ABR: variants seen among roughly 807,000 people sequenced by gnomAD.
The protein encoded by ABR is active breakpoint cluster region-related protein.
In ABR, 35 loss-of-function variants were observed where a neutral mutation model predicts 107.2. The observed-to-expected ratio is 0.33, with a 90% CI of 0.25 to 0.43. The LOEUF is 0.43. Among genes scored for constraint, ABR ranks in the 20% least tolerant of loss-of-function variants. The pLI is 1.00. For missense variants in ABR, 815 were observed against 1,115.2 expected, an observed-to-expected ratio of 0.73 and a Z score of 3.83; for synonymous variants, 498 against 462.0, an observed-to-expected ratio of 1.08 and a Z score of -1.00.
At chr17:1,029,415 C>G (rs987114233) in intron 16 of ABR, among the ~76,000 whole-genome samples, 1 of 152,168 alleles carries the variant, frequency 6.6e-6, no homozygotes, top group South Asian at 2.1e-4. Context: ...ATCATGAGAC[C>G]TTTCCATCTG....
chr17:1,226,658 G>A (rs1425242628), intron 1 of ABR, among the ~76,000 whole-genome samples: 1 of 151,264 alleles, frequency 6.6e-6, no homozygotes, highest in African/African-American at 2.4e-5. Flanking sequence ...ATGTGTGCAT[G>A]TATGTATGTG....
At chr17:1,196,612 G>GA (rs2042571830) in intron 1 of ABR, among the ~76,000 whole-genome samples, 1 of 146,910 alleles carries the variant, frequency 6.8e-6, no homozygotes, top group Middle Eastern at 3.3e-3. Context: ...AGAACTTTCT[G>GA]AAAAATCCTG....
chr17:1,010,060 T>G lies in ABR; in HGVS notation c.2237-276A>C. ...TGCATAGGCCTTGGGTGCTGGGGCA[T>G]CCCCTGTCTCGTAACAGGACACCCC... On this transcript the variant is annotated intron_variant, in intron 20 of 22. Coordinates refer to ENST00000302538, the MANE Select transcript of ABR (RefSeq NM_021962.5). This position sits in a 1 kb window ranked among gnomAD's most constrained non-coding sequence, Gnocchi z 4.1. The G allele has an allele frequency of 1.8e-6, 1 of 540,908 alleles. No homozygotes were observed. Among genetic ancestry groups the G allele is most frequent in the South Asian group, 2.2e-5 (1 of 44,878 alleles). The allele number at this position is 540,908 out of a possible 1,614,324, so 33.5% of individuals were successfully genotyped here. A position where few individuals can be genotyped will look rare whatever the true frequency, so the allele number is the denominator to read the frequency against.
At chr17:1,083,262 ATTTTTTTTTTTT>A in intron 5 of ABR, 3 of 99,678 alleles carry the variant, frequency 3.0e-5, no homozygotes, top group South Asian at 2.6e-4. Context: ...ACTGCCTTGG[ATTTTTTTTTTTT>A]TTTTTTTTTT....
At chr17:1,174,885 C>A (rs971835388) in intron 1 of ABR, among the ~76,000 whole-genome samples, 1 of 152,112 alleles carries the variant, frequency 6.6e-6, no homozygotes, top group African/African-American at 2.4e-5. Flanking sequence ...AGATGATCAA[C>A]CTGCCTGGGG....
rs754895985 is a variant in ABR at position 1,037,536 on chromosome 17, A to C, written c.1791+12514T>G. Among the ~76,000 whole-genome samples, 1 of 152,196 alleles carries C rather than the reference A, an allele frequency of 6.6e-6. No individual in the cohort carries two copies. Among genetic ancestry groups the C allele is most frequent in the Non-Finnish European group, 1.5e-5 (1 of 68,026 alleles). On this transcript the variant is annotated intron_variant, in intron 16 of 22. Transcript: ENST00000302538. This position sits in a 1 kb window ranked among gnomAD's most constrained non-coding sequence, Gnocchi z 4.6. ...GGTCATGGAAAAGGGTGAAAAATGCACTTGAGCCTTTGGGAACATCTTGCT... is the reference window on the plus strand; with the variant it reads ...GGTCATGGAAAAGGGTGAAAAATGCCCTTGAGCCTTTGGGAACATCTTGCT...
chr17:1,005,155 C>G lies in ABR; in HGVS notation c.*925G>C. 2.5e-6 allele frequency: 1 copy of G among 398,842 alleles called. No homozygotes were observed. The highest frequency in any genetic ancestry group is 4.4e-6 in the Non-Finnish European group (1 of 226,228). The allele number at this position is 398,842 out of a possible 1,614,324, so 24.7% of individuals were successfully genotyped here. ...TCCTCAGCAGCCTGACCGCCTCCTC[C>G]CCCATTCTCTCCTGACCCTCTGGCT... On this transcript the variant is annotated 3_prime_UTR_variant, in exon 23 of 23. Coordinates refer to ENST00000302538, the MANE Select transcript of ABR (RefSeq NM_021962.5).
At chr17:1,108,786 C>G (rs376913108) in intron 2 of ABR, 39 of 1,045,772 alleles carry the variant, frequency 3.7e-5, no homozygotes, top group Non-Finnish European at 4.8e-5. Context: ...CGCCCCTCTC[C>G]CCCGGGAACA....
At chr17:1,061,368 C>G (rs1264735824) in intron 10 of ABR, among the ~76,000 whole-genome samples, 1 of 152,200 alleles carries the variant, frequency 6.6e-6, no homozygotes, top group Non-Finnish European at 1.5e-5. Flanking sequence ...AGGAAGCCCT[C>G]TGGGCAGATG....
intron 16 of ABR, among the ~76,000 whole-genome samples, chr17:1,029,283 C>T (rs7217127): frequency 0.56 from 84,488 of 151,632 alleles, 23,691 homozygotes; most frequent in Middle Eastern, 0.63. Flanking sequence ...AACTCTCCTC[C>T]GGTGACAAGA....
Position 1,010,991 on chromosome 17 carries a change from G to A in ABR, c.2102-128C>T, listed in dbSNP as rs932635223. On this transcript the variant is annotated intron_variant, in intron 19 of 22. Transcript: ENST00000302538. This position sits in a 1 kb window ranked among gnomAD's most constrained non-coding sequence, Gnocchi z 4.1. ...CTGGTCTCCCCTGGAAGAGCAGGAT[G>A]TAGAGAGGGCCCACAGGTGTCTGTG... The A allele has an allele frequency of 1.4e-5, 18 of 1,270,234 alleles. No individual in the cohort carries two copies. The Admixed American group carries it at 1.5e-4, about 11-fold the overall frequency. 78.7% of individuals were successfully genotyped at this position (1,270,234 alleles called of 1,614,324 possible).
rs77416254 is a variant in ABR, at chr17:1,030,754, C to T, written c.1792-17590G>A. Reference sequence around the variant, plus strand: ...CTCAGGAGGAGCTGCAGATCCCCACCACGGACTGGCCAAGGCCTCCCTTGT... The same window carrying T: ...CTCAGGAGGAGCTGCAGATCCCCACTACGGACTGGCCAAGGCCTCCCTTGT... On this transcript the variant is annotated intron_variant, in intron 16 of 22. Transcript: ENST00000302538. Among the ~76,000 whole-genome samples, 556 of 152,392 alleles carry T rather than the reference C, an allele frequency of 3.6e-3. 4 individuals are homozygous for T. Among genetic ancestry groups the T allele is most frequent in the African/African-American group, 0.013 (540 of 41,598 alleles).
Position 1,078,836 on chromosome 17 carries a change from G to A in ABR, c.700+494C>T. ...TACCATAGGTGCAGTTACAGCAGAA[G>A]CGAATAATGAGGAGAATCTCCATGG... On this transcript the variant is annotated intron_variant, in intron 6 of 22. Transcript: ENST00000302538. The surrounding 1 kb of genome is among the most constrained non-coding windows in gnomAD (Gnocchi z 7.5). The A allele has an allele frequency of 6.5e-7, 1 of 1,535,644 alleles. No homozygotes were observed. Among genetic ancestry groups the A allele is most frequent in the Non-Finnish European group, 8.7e-7 (1 of 1,146,852 alleles).
rs139299329 is a variant in ABR, at chr17:1,123,512, C to T, written c.246+1671G>A. 2.9e-3 allele frequency among the ~76,000 whole-genome samples: 437 copies of T among 152,268 alleles called. 3 individuals are homozygous for T. Among genetic ancestry groups the T allele is most frequent in the African/African-American group, 9.2e-3 (383 of 41,542 alleles). On this transcript the variant is annotated intron_variant, in intron 2 of 22. Coordinates refer to ENST00000302538, the MANE Select transcript of ABR (RefSeq NM_021962.5). The stretch of plus-strand genomic sequence containing the variant: ...AGGCACCTGCCAGCACCAAAGGAAT[C>T]GGAAAATCGACGGACACGGAAACCA...
rs7225523 is a variant in ABR, at chr17:1,027,279, C to T, written c.1792-14115G>A. On this transcript the variant is annotated intron_variant, in intron 16 of 22. Coordinates refer to ENST00000302538, the MANE Select transcript of ABR (RefSeq NM_021962.5). This position sits in a 1 kb window ranked among gnomAD's most constrained non-coding sequence, Gnocchi z 4.7. The stretch of plus-strand genomic sequence containing the variant: ...AGCCGTCTGTGGCCTGCAGGGAGGC[C>T]GGGGAGGACCAGCGCCCTTCTACCC... 0.026 allele frequency among the ~76,000 whole-genome samples: 3,919 copies of T among 152,158 alleles called. 171 individuals carry two copies. The highest frequency in any genetic ancestry group is 0.089 in the African/African-American group (3,678 of 41,494).
upstream of ABR, among the ~76,000 whole-genome samples, chr17:1,189,498 C>G (rs111443282): frequency 6.6e-6 from 1 of 152,040 alleles, no homozygotes; most frequent in Non-Finnish European, 1.5e-5. Flanking sequence ...GGGATAGAGA[C>G]CCGCACATCC....
At chr17:1,062,078 G>C (rs1408764122) in intron 10 of ABR, among the ~76,000 whole-genome samples, 1 of 152,222 alleles carries the variant, frequency 6.6e-6, no homozygotes, top group Non-Finnish European at 1.5e-5. Context: ...CAGGGGTGGT[G>C]AGGCCTAAGC....
intron 1 of ABR, among the ~76,000 whole-genome samples, chr17:1,185,998 G>A (rs2042287537): frequency 6.6e-6 from 1 of 152,002 alleles, no homozygotes; most frequent in African/African-American, 2.4e-5. Context: ...ACCACACCTG[G>A]CCAATTTTTT....
chr17:1,192,539 G>A (rs866119421), intron 1 of ABR, among the ~76,000 whole-genome samples: 17 of 151,912 alleles, frequency 1.1e-4, no homozygotes, highest in African/African-American at 4.1e-4. Context: ...CATTCTGGGA[G>A]GCCGAGGTGG....
Sources: allele counts gnomAD v4.1 joint callset (sites outside exome capture counted in the v4.1 genomes callset), GRCh38; gene constraint gnomAD v4.1.1; non-coding constraint Gnocchi (gnomAD v3.1); transcripts MANE v1.5; gene names NCBI Gene and HGNC (gene_info 2026-07-23, HGNC 2026-07-21).